WWC2: variants seen among roughly 807,000 people sequenced by gnomAD.
WWC2 encodes protein WWC2.
A neutral mutation model predicts 138.5 loss-of-function variants in WWC2; 101 were observed. The ratio of observed to expected loss-of-function variants is 0.73; its 90% CI spans 0.62 to 0.86. WWC2 has a LOEUF of 0.86. Among genes scored for constraint, WWC2 ranks in the 40% least tolerant of loss-of-function variants. The pLI is 0.00. For missense variants in WWC2, 1,420 were observed against 1,419.4 expected (o/e 1.00, Z -0.01); for synonymous variants, 558 against 538.4 (o/e 1.04, Z -0.50).
chr4:183,311,196 A>G (rs968832053), intron 21 of WWC2, among the ~76,000 whole-genome samples: 1 of 152,248 alleles, frequency 6.6e-6, no homozygotes, highest in African/African-American at 2.4e-5. Context: ...AACTTTTAAT[A>G]TAGTATCATT....
At chr4:183,176,448 A>G (rs1313675072) in intron 1 of WWC2, among the ~76,000 whole-genome samples, 7 of 152,070 alleles carry the variant, frequency 4.6e-5, no homozygotes, top group African/African-American at 9.7e-5. Flanking sequence ...TTTGAGACGC[A>G]GTATCACTCT....
At chr4:183,185,888 T>C (rs749219487) in intron 1 of WWC2, among the ~76,000 whole-genome samples, 1 of 151,996 alleles carries the variant, frequency 6.6e-6, no homozygotes, top group South Asian at 2.1e-4. Flanking sequence ...AAACATTCAG[T>C]AAGTGTTTTA....
intron 1 of WWC2, among the ~76,000 whole-genome samples, chr4:183,173,977 C>G (rs575045233): frequency 6.6e-6 from 1 of 152,100 alleles, no homozygotes; most frequent in Admixed American, 6.5e-5. Context: ...AAGGCACTCC[C>G]AGATGTTAAT....
chr4:183,149,187 G>GC (rs1733562508), intron 1 of WWC2, among the ~76,000 whole-genome samples: 1 of 152,050 alleles, frequency 6.6e-6, no homozygotes, highest in South Asian at 2.1e-4. Context: ...AACTTTGCCA[G>GC]CCACCCCAGA....
intron 2 of WWC2, among the ~76,000 whole-genome samples, chr4:183,200,713 C>T (rs1489849990): frequency 1.3e-5 from 2 of 152,156 alleles, no homozygotes; most frequent in Admixed American, 1.3e-4. Flanking sequence ...CATTCCATGC[C>T]ACGTGGGCCT....
At chr4:183,268,678 G>A (rs746095255) in intron 14 of WWC2, among the ~76,000 whole-genome samples, 7 of 152,086 alleles carry the variant, frequency 4.6e-5, no homozygotes, top group Admixed American at 1.3e-4. Flanking sequence ...CGTTAAATTC[G>A]TCTGCCCTAC....
At position 183,256,901 on chromosome 4, in the gene WWC2, C is replaced by T. The variant is rs573820908; in HGVS notation, c.1197-2738C>T. On this transcript the variant is annotated intron_variant, in intron 9 of 22. Coordinates refer to ENST00000403733, the MANE Select transcript of WWC2 (RefSeq NM_024949.6). ...ATCCTACAGCCCCCCCCCCCCCCCC[C>T]CCGGCTCTGTTCCTGCCCCCACAGG... is the stretch of plus-strand genomic sequence containing the variant. Among the ~76,000 whole-genome samples the T allele has an allele frequency of 2.4e-4, 26 of 108,630 alleles. 1 individual carries two copies. In the South Asian group the frequency reaches 5.6e-3, roughly 23 times the overall value. 71.3% of individuals were successfully genotyped at this position (108,630 alleles called of 152,430 possible). A position where few individuals can be genotyped will look rare whatever the true frequency, so the allele number is the denominator to read the frequency against.
intron 6 of WWC2, 137 bp downstream of exon 6, chr4:183,245,682 G>A: frequency 9.9e-7 from 1 of 1,005,614 alleles, no homozygotes; most frequent in Non-Finnish European, 1.4e-6. Context: ...TGGGCCCTGT[G>A]GAGATTGTTG....
In WWC2 at chr4:183,287,145, T is replaced by G. The variant is rs368981482; in HGVS notation, c.3141+1086T>G. Among the ~76,000 whole-genome samples the G allele has an allele frequency of 4.6e-5, 7 of 152,294 alleles. No homozygotes were observed. In the East Asian group the frequency reaches 9.7e-4, roughly 21 times the overall value. ...GCCACTCTGGTCTCATTCTGCCATG[T>G]GCAGAGTAAGAGATGCCTGGCCAGG... On this transcript the variant is annotated intron_variant, in intron 20 of 22. Coordinates refer to ENST00000403733, the MANE Select transcript of WWC2 (RefSeq NM_024949.6).
chr4:183,292,950 T>G, intron 21 of WWC2, among the ~76,000 whole-genome samples: 1 of 152,182 alleles, frequency 6.6e-6, no homozygotes, highest in East Asian at 1.9e-4. Context: ...AAGGTTTTGT[T>G]TTCTTTGGTT....
At chr4:183,105,053 C>T (rs1247383113) in intron 1 of WWC2, among the ~76,000 whole-genome samples, 2 of 152,150 alleles carry the variant, frequency 1.3e-5, no homozygotes, top group African/African-American at 4.8e-5. Context: ...ATTACAGGTG[C>T]ACGCCACCCT....
chr4:183,279,342 G>A (rs1234126601), intron 16 of WWC2, among the ~76,000 whole-genome samples: 1 of 151,930 alleles, frequency 6.6e-6, no homozygotes, highest in African/African-American at 2.4e-5. Context: ...GATCATGGTG[G>A]ATAAGCTTTT....
chr4:183,176,902 T>C (rs1470674810), intron 1 of WWC2, among the ~76,000 whole-genome samples: 1 of 152,112 alleles, frequency 6.6e-6, no homozygotes, highest in Admixed American at 6.6e-5. Context: ...AGTTTTTCAA[T>C]ACTGCAAAAC....
chr4:183,275,735 A>G (rs575407123), intron 16 of WWC2, among the ~76,000 whole-genome samples: 2 of 152,086 alleles, frequency 1.3e-5, no homozygotes, highest in Non-Finnish European at 2.9e-5. Context: ...GTCTGTATTC[A>G]TAGTATTCTT....
At position 183,214,298 on chromosome 4, in the gene WWC2, G is replaced by A. The variant is rs141942772; in HGVS notation, c.522+5273G>A. Among the ~76,000 whole-genome samples the A allele has an allele frequency of 3.7e-3, 556 of 152,164 alleles. 3 individuals carry two copies. Among genetic ancestry groups the A allele is most frequent in the African/African-American group, 0.013 (525 of 41,506 alleles). ...GTTAATATAGACTCACTTTGAATTC[G>A]TTTTAGCAGTGGTGATGAGCTTAGA... On this transcript the variant is annotated intron_variant, in intron 4 of 22. Transcript: ENST00000403733.
intron 9 of WWC2, 127 bp from the exon 10 acceptor site, chr4:183,259,512 T>C: frequency 1.4e-6 from 1 of 720,636 alleles, no homozygotes. Flanking sequence ...TGTCCTGTTT[T>C]CTGTCTGTGG....
intron 1 of WWC2, among the ~76,000 whole-genome samples, chr4:183,101,199 C>A (rs889853216): frequency 6.6e-6 from 1 of 152,194 alleles, no homozygotes; most frequent in Non-Finnish European, 1.5e-5. Flanking sequence ...AGGTTCTCTT[C>A]TTCGGTTTAC....
At chr4:183,110,630 A>G (rs1210325410) in intron 1 of WWC2, among the ~76,000 whole-genome samples, 1 of 152,170 alleles carries the variant, frequency 6.6e-6, no homozygotes, top group Non-Finnish European at 1.5e-5. Context: ...GAGCATTTGA[A>G]TAAAGGTGTA....
At chr4:183,269,623 T>C in intron 15 of WWC2, 1 of 389,578 alleles carries the variant, frequency 2.6e-6, no homozygotes, top group South Asian at 1.9e-5. Context: ...TCAACGGTCA[T>C]ACAACTAGTA....
Sources: allele counts gnomAD v4.1 joint callset (sites outside exome capture counted in the v4.1 genomes callset), GRCh38; gene constraint gnomAD v4.1.1; transcripts MANE v1.5; gene names NCBI Gene and HGNC (gene_info 2026-07-23, HGNC 2026-07-21).